UNC13B: variants seen among roughly 807,000 people sequenced by gnomAD.
UNC13B encodes protein unc-13 homolog B.
A neutral mutation model predicts 211.0 loss-of-function variants in UNC13B; 144 were observed. That is an observed-to-expected ratio of 0.68 (90% CI 0.60 to 0.78). The LOEUF (loss-of-function observed/expected upper bound fraction) is 0.78, where lower values mean the gene tolerates loss of function less well. Among genes scored for constraint, UNC13B ranks in the 30% least tolerant of loss-of-function variants. The pLI, the probability that UNC13B is intolerant of heterozygous loss-of-function variation, is 0.00. For synonymous variants in UNC13B, 709 were observed against 725.8 expected, an observed-to-expected ratio of 0.98 and a Z score of 0.37; for missense variants, 1,777 against 2,002.0, an observed-to-expected ratio of 0.89 and a Z score of 2.14.
chr9:35,385,456 G>C (rs1203400529), intron 22 of UNC13B: 1 of 985,330 alleles, frequency 1.0e-6, no homozygotes. Context: ...CTTTGTACAA[G>C]TGCTTATACA....
intron 1 of UNC13B, among the ~76,000 whole-genome samples, chr9:35,210,348 C>T (rs1395061579): frequency 4.6e-5 from 7 of 152,124 alleles, no homozygotes; most frequent in African/African-American, 2.4e-5. Flanking sequence ...ACACTAACCA[C>T]ATTTCACATA....
At position 35,306,034 on chromosome 9, in the gene UNC13B, T is replaced by C; in HGVS notation, c.6630T>C (p.Ser2210=). Residue 2210 remains serine (S), a synonymous_variant, in exon 9 of 40, where the codon AGT becomes AGC. Coordinates refer to ENST00000635942, the MANE Select transcript of UNC13B (RefSeq NM_001371189.2). ...GCATTAAGAAGGATGCCTCTCATAG[T>C]AGTTCTACTTTTAGTTTCTTCAGCT... ...SSSIKKDASH[S]SSTFSFFSLS... 2.5e-6 allele frequency: 1 copy of C among 399,032 alleles called. No homozygotes were observed. The highest frequency in any genetic ancestry group is 4.4e-6 in the Non-Finnish European group (1 of 226,042). The allele number at this position is 399,032 out of a possible 1,614,324, so 24.7% of individuals were successfully genotyped here.
intron 1 of UNC13B, among the ~76,000 whole-genome samples, chr9:35,211,249 T>C (rs769826752): frequency 6.6e-6 from 1 of 152,204 alleles, no homozygotes; most frequent in Non-Finnish European, 1.5e-5. Context: ...AAAACAAGGT[T>C]CTTTGTGTGT....
At chr9:35,403,355 C>CTT (rs1836456259) in intron 38 of UNC13B, 85 bp from the exon 39 acceptor site, 4 of 1,602,098 alleles carry the variant, frequency 2.5e-6, no homozygotes, top group Non-Finnish European at 3.4e-6. Context: ...TCCAGCTCAG[C>CTT]CCTCCTCCAA....
At chr9:35,387,500 C>G (rs2132292105) in intron 24 of UNC13B, among the ~76,000 whole-genome samples, 1 of 152,262 alleles carries the variant, frequency 6.6e-6, no homozygotes, top group South Asian at 2.1e-4. Context: ...TTTCCTGAGG[C>G]CTTTGTTTTA....
At chr9:35,384,354 A>C (rs1331755567) in intron 22 of UNC13B, 40 bp downstream of exon 22, 2 of 1,608,892 alleles carry the variant, frequency 1.2e-6, no homozygotes, top group South Asian at 2.2e-5. Flanking sequence ...AATAGATATC[A>C]AGCACGGTCC....
intron 6 of UNC13B, among the ~76,000 whole-genome samples, chr9:35,246,816 A>G (rs1171645592): frequency 1.3e-5 from 2 of 152,088 alleles, no homozygotes; most frequent in Non-Finnish European, 2.9e-5. Flanking sequence ...TTGGCTTAGG[A>G]TTGACTTGGC....
intron 11 of UNC13B, among the ~76,000 whole-genome samples, chr9:35,360,025 C>A (rs780519982): frequency 2.0e-5 from 3 of 152,232 alleles, no homozygotes; most frequent in Admixed American, 6.5e-5. Context: ...TGTTTCTCCA[C>A]ACCAATTATG....
intron 9 of UNC13B, among the ~76,000 whole-genome samples, chr9:35,309,881 C>T (rs1374289286): frequency 6.6e-6 from 1 of 152,132 alleles, no homozygotes; most frequent in Non-Finnish European, 1.5e-5. Flanking sequence ...TTGGTCCTGG[C>T]CTCTATCTTC....
chr9:35,333,960 G>GT lies in UNC13B; in HGVS notation c.9414+19974dup, dbSNP rs555795828. On this transcript the variant is annotated intron_variant, in intron 11 of 39. Transcript: ENST00000635942. ...TTGGGCTTTTCATATTCATTTTTTT[G>GT]TTTGTTTTTTTTTTTGTTTTTTGAG... is the stretch of plus-strand genomic sequence containing the variant. Among the ~76,000 whole-genome samples, 110 of 128,108 alleles carry GT rather than the reference G, an allele frequency of 8.6e-4. 1 individual carries two copies. The South Asian group carries it at 0.021, about 25-fold the overall frequency. The allele number at this position is 128,108 out of a possible 152,430, so 84.0% of individuals were successfully genotyped here. A position where few individuals can be genotyped will look rare whatever the true frequency, so the allele number is the denominator to read the frequency against.
At chr9:35,390,299 A>G (rs1309060489) in intron 25 of UNC13B, among the ~76,000 whole-genome samples, 1 of 151,404 alleles carries the variant, frequency 6.6e-6, no homozygotes, top group East Asian at 1.9e-4. Context: ...CTTATAGCCC[A>G]CCCCCACTTG....
intron 6 of UNC13B, 147 bp downstream of exon 6, chr9:35,243,511 T>G: frequency 1.3e-6 from 1 of 751,880 alleles, no homozygotes; most frequent in Non-Finnish European, 2.2e-6. Flanking sequence ...GCTAGAAGAT[T>G]GCCTGAAATG....
intron 2 of UNC13B, among the ~76,000 whole-genome samples, chr9:35,229,965 T>C (rs1487947756): frequency 4.6e-5 from 7 of 152,198 alleles, no homozygotes; most frequent in African/African-American, 1.7e-4. Flanking sequence ...AACATTAGGA[T>C]TAATTTCTTA....
At chr9:35,384,985 G>T in intron 22 of UNC13B, 1 of 953,204 alleles carries the variant, frequency 1.0e-6, no homozygotes, top group Non-Finnish European at 1.2e-6. Flanking sequence ...AAGAAATGAG[G>T]TTTTAATTGT....
chr9:35,167,220 C>T (rs998397018), intron 1 of UNC13B, among the ~76,000 whole-genome samples: 1 of 151,876 alleles, frequency 6.6e-6, no homozygotes, highest in African/African-American at 2.4e-5. Context: ...ATTACAGGCG[C>T]CCATCACCAC....
chr9:35,293,365 G>A (rs1829188667), intron 7 of UNC13B, among the ~76,000 whole-genome samples: 1 of 152,162 alleles, frequency 6.6e-6, no homozygotes, highest in African/African-American at 2.4e-5. Flanking sequence ...TTGGGTTGTG[G>A]GCTTCTAACT....
At chr9:35,321,743 G>A (rs553780321) in intron 11 of UNC13B, among the ~76,000 whole-genome samples, 6 of 152,066 alleles carry the variant, frequency 3.9e-5, no homozygotes, top group Admixed American at 2.0e-4. Flanking sequence ...TCAGGTGATC[G>A]TCCTGTCTGG....
chr9:35,285,747 A>C (rs1035101303), intron 7 of UNC13B, among the ~76,000 whole-genome samples: 1 of 152,240 alleles, frequency 6.6e-6, no homozygotes, highest in Non-Finnish European at 1.5e-5. Context: ...GTAATAATTC[A>C]GAATAATTCT....
At chr9:35,292,895 G>A (rs1402305104) in intron 7 of UNC13B, among the ~76,000 whole-genome samples, 4 of 152,190 alleles carry the variant, frequency 2.6e-5, no homozygotes, top group Non-Finnish European at 1.5e-5. Context: ...TCGTCTAGCC[G>A]ACATGGTGCT....
Sources: gnomAD v4.1 joint callset for allele counts (sites outside exome capture counted in the v4.1 genomes callset) on GRCh38, gnomAD v4.1.1 for gene constraint, MANE v1.5 for transcripts, NCBI Gene and HGNC (gene_info 2026-07-23, HGNC 2026-07-21) for gene names.